The following ASB2 variants were observed in gnomAD, a reference collection of about 807,000 sequenced individuals.
ASB2 encodes ankyrin repeat and SOCS box protein 2.
In ASB2, 58 loss-of-function variants were observed where a neutral mutation model predicts 62.4. The ratio of observed to expected loss-of-function variants is 0.93; its 90% CI spans 0.75 to 1.16. ASB2 has a LOEUF of 1.16. ASB2 is among the 50% of genes most tolerant of loss of function. ASB2 has a pLI of 0.00. For missense variants in ASB2, 928 were observed against 887.9 expected, an observed-to-expected ratio of 1.05 and a Z score of -0.57; for synonymous variants, 386 against 385.3, an observed-to-expected ratio of 1.00 and a Z score of -0.02.
At chr14:93,968,974 C>T (rs868819752) in intron 1 of ASB2, among the ~76,000 whole-genome samples, 20 of 152,210 alleles carry the variant, frequency 1.3e-4, no homozygotes, top group African/African-American at 4.8e-4. Context: ...ATTTCCTACC[C>T]CACTGTGGAC....
Position 93,939,516 on chromosome 14 carries a change from G to C in ASB2, c.1209C>G (p.Arg403=), listed in dbSNP as rs746265732. 1 of 1,606,612 alleles carries C rather than the reference G, an allele frequency of 6.2e-7. No individual in the cohort carries two copies. Among genetic ancestry groups the C allele is most frequent in the South Asian group, 1.1e-5 (1 of 90,674 alleles). The change falls in exon 8 of 10, where the codon CGC becomes CGG. Residue 403 remains arginine (R), a synonymous_variant. Coordinates refer to ENST00000555019, the MANE Select transcript of ASB2 (RefSeq NM_001202429.2). The stretch of plus-strand genomic sequence containing the variant: ...TGCGCCGGTCTTCGTAGAGGCGCGC[G>C]CGCTCGGGGGCCAGCGGCGTGTTCA... ...FDVNTPLAPE[R]ARLYEDRRSS...
chr14:93,938,469 T>C (rs528765845), intron 8 of ASB2, among the ~76,000 whole-genome samples: 1 of 152,270 alleles, frequency 6.6e-6, no homozygotes, highest in East Asian at 1.9e-4. Flanking sequence ...CTCGATCTCC[T>C]GACCTCGTGA....
intron 9 of ASB2, among the ~76,000 whole-genome samples, chr14:93,937,219 T>C (rs1888301884): frequency 6.6e-6 from 1 of 152,194 alleles, no homozygotes; most frequent in African/African-American, 2.4e-5. Context: ...TGGGAGCCTG[T>C]TGAAATGCAG....
In ASB2 at chr14:93,976,515, C is replaced by T. The variant is rs1889916540; in HGVS notation, c.-155G>A. The T allele has an allele frequency of 6.6e-6, 1 of 152,186 alleles. No individual in the cohort carries two copies. Among genetic ancestry groups the T allele is most frequent in the Non-Finnish European group, 1.5e-5 (1 of 68,038 alleles). The allele number at this position is 152,186 out of a possible 1,614,324, so 9.4% of individuals were successfully genotyped here. ...AAGTGTCTTAATTCAGAACATGCTC[C>T]CCGAGTTTTCCTTCTGCCCTGGCCC... On this transcript the variant is annotated 5_prime_UTR_variant, in exon 1 of 10. Transcript: ENST00000555019.
intron 7 of ASB2, among the ~76,000 whole-genome samples, chr14:93,946,027 A>C (rs1888709593): frequency 6.6e-6 from 1 of 152,242 alleles, no homozygotes; most frequent in Admixed American, 6.5e-5. Context: ...TCCTCTTCAA[A>C]ATAAATTCAT....
At chr14:93,935,283 C>T (rs926674347) in intron 9 of ASB2, among the ~76,000 whole-genome samples, 14 of 152,318 alleles carry the variant, frequency 9.2e-5, no homozygotes, top group African/African-American at 2.4e-4. Context: ...CAGCTCGCCT[C>T]GAGCTCCAGA....
In ASB2 at chr14:93,956,695, C is replaced by T. The variant is rs1889222113; in HGVS notation, c.311+71G>A. 3.6e-5 allele frequency: 58 copies of T among 1,592,810 alleles called. No individual in the cohort carries two copies. The South Asian group carries it at 3.6e-4, about 10-fold the overall frequency. On this transcript the variant is annotated intron_variant, in intron 3 of 9. Coordinates refer to ENST00000555019, the MANE Select transcript of ASB2 (RefSeq NM_001202429.2). The stretch of plus-strand genomic sequence containing the variant: ...CCTCCTGGGGGCTGTGGGCCTGCTT[C>T]CCACCCTCCCTGCCATCCCAGTTAG...
chr14:93,974,505 C>T (rs1202885077), intron 1 of ASB2, among the ~76,000 whole-genome samples: 2 of 152,222 alleles, frequency 1.3e-5, no homozygotes, highest in African/African-American at 4.8e-5. Context: ...TGGGAAGGCT[C>T]TTTGGATCTA....
intron 3 of ASB2, among the ~76,000 whole-genome samples, chr14:93,956,518 T>A (rs1286235357): frequency 7.1e-6 from 1 of 141,372 alleles, no homozygotes; most frequent in Non-Finnish European, 1.6e-5. Flanking sequence ...GCTGGGGGCA[T>A]CTGAGGGGGG....
In ASB2 at chr14:93,963,265, C is replaced by T. The variant is rs549189393; in HGVS notation, c.206+1069G>A. Among the ~76,000 whole-genome samples, 33 of 152,290 alleles carry T rather than the reference C, an allele frequency of 2.2e-4. 1 individual carries two copies. The highest frequency in any genetic ancestry group is 8.3e-4 in the South Asian group (4 of 4,820). On this transcript the variant is annotated intron_variant, in intron 2 of 9. Transcript: ENST00000555019. ...AGGTTAAGTGACTTGCCTGAGGTCA[C>T]GCAGGGAGCCAGCTGGCTGCTGTAC...
intron 7 of ASB2, chr14:93,941,609 G>C (rs893578817): frequency 8.8e-6 from 4 of 456,046 alleles, no homozygotes; most frequent in Non-Finnish European, 1.8e-5. Context: ...GTCAAAGGCA[G>C]GCCTGGGCCT....
At chr14:93,943,826 T>C (rs1257691225) in intron 7 of ASB2, 3 of 403,880 alleles carry the variant, frequency 7.4e-6, no homozygotes, top group East Asian at 7.2e-5. Context: ...TGCTTGTCAG[T>C]GTGCTTTATA....
chr14:93,963,130 A>T (rs1889465847), intron 2 of ASB2, among the ~76,000 whole-genome samples: 1 of 152,350 alleles, frequency 6.6e-6, no homozygotes. Flanking sequence ...CTTAGGGGAC[A>T]GGGCTGAGAT....
chr14:93,960,457 C>T (rs1409724794), intron 2 of ASB2, among the ~76,000 whole-genome samples: 1 of 152,230 alleles, frequency 6.6e-6, no homozygotes, highest in East Asian at 1.9e-4. Context: ...CAGCCAGTTC[C>T]TGCTTCATGT....
Position 93,965,851 on chromosome 14 carries a change from G to T in ASB2, c.-73-1239C>A, listed in dbSNP as rs34587556. Among the ~76,000 whole-genome samples, 957 of 152,356 alleles carry T rather than the reference G, an allele frequency of 6.3e-3. 5 individuals carry two copies. The highest frequency in any genetic ancestry group is 0.014 in the Middle Eastern group (4 of 294). Reference sequence around the variant, plus strand: ...ACACATGACAAGTATGTACACTGGGGTTTGCTCTTGCTCCTCTGCCATCAC... The same window carrying T: ...ACACATGACAAGTATGTACACTGGGTTTTGCTCTTGCTCCTCTGCCATCAC... On this transcript the variant is annotated intron_variant, in intron 1 of 9. Coordinates refer to ENST00000555019, the MANE Select transcript of ASB2 (RefSeq NM_001202429.2).
At chr14:93,975,889 G>A (rs1186514787) in intron 1 of ASB2, among the ~76,000 whole-genome samples, 1 of 152,204 alleles carries the variant, frequency 6.6e-6, no homozygotes, top group Non-Finnish European at 1.5e-5. Flanking sequence ...CCACAGCTTT[G>A]TTGGATCTCA....
chr14:93,962,145 C>T (rs1314149944), intron 2 of ASB2, among the ~76,000 whole-genome samples: 6 of 94,748 alleles, frequency 6.3e-5, no homozygotes, highest in Non-Finnish European at 9.6e-5. Context: ...GATGGAGTCT[C>T]GCTCTGTCGC....
intron 2 of ASB2, among the ~76,000 whole-genome samples, chr14:93,958,449 C>T (rs559552042): frequency 2.6e-5 from 4 of 152,244 alleles, no homozygotes; most frequent in East Asian, 1.9e-4. Flanking sequence ...CCTGCCTTTT[C>T]GTCCTCTCTC....
intron 1 of ASB2, among the ~76,000 whole-genome samples, chr14:93,973,053 A>G (rs1889806318): frequency 6.6e-6 from 1 of 152,144 alleles, no homozygotes; most frequent in South Asian, 2.1e-4. Flanking sequence ...GGGCTGCTGG[A>G]GGTGACTCAA....
Sources: allele counts gnomAD v4.1 joint callset (sites outside exome capture counted in the v4.1 genomes callset), GRCh38; gene constraint gnomAD v4.1.1; transcripts MANE v1.5; gene names NCBI Gene and HGNC (gene_info 2026-07-23, HGNC 2026-07-21).